PTGER3: variants seen among roughly 807,000 people sequenced by gnomAD.
PTGER3 encodes the protein prostaglandin E receptor 3.
Under a neutral mutation model 34.7 loss-of-function variants are expected in PTGER3, and 22 were observed. The ratio of observed to expected loss-of-function variants is 0.63; its 90% CI spans 0.45 to 0.91. The LOEUF (loss-of-function observed/expected upper bound fraction) is 0.91. PTGER3 is among the 40% of genes least tolerant of loss of function. The probability of loss-of-function intolerance (pLI) is 0.00; values close to 1 mark genes in which losing one functional copy is unlikely to be tolerated. For missense variants in PTGER3, 468 were observed against 519.4 expected (o/e 0.90, Z 0.96); for synonymous variants, 241 against 230.1 (o/e 1.05, Z -0.43).
At chr1:70,943,762 G>A (rs1340595284) in intron 4 of PTGER3, among the ~76,000 whole-genome samples, 1 of 151,666 alleles carries the variant, frequency 6.6e-6, no homozygotes, top group Non-Finnish European at 1.5e-5. Flanking sequence ...GAGAATTGTT[G>A]GGTAATCATG....
intron 4 of PTGER3, among the ~76,000 whole-genome samples, chr1:70,896,836 G>T (rs1430233933): frequency 1.3e-5 from 2 of 152,078 alleles, no homozygotes; most frequent in Non-Finnish European, 2.9e-5. Flanking sequence ...CCTTGACATA[G>T]CAGAGTACAA....
At chr1:70,881,451 A>G (rs1220267824) in intron 4 of PTGER3, among the ~76,000 whole-genome samples, 1 of 152,186 alleles carries the variant, frequency 6.6e-6, no homozygotes, top group Non-Finnish European at 1.5e-5. Flanking sequence ...TTGCTGGGGA[A>G]CTAGTGTGGT....
In PTGER3 at chr1:71,047,327, C is replaced by A; in HGVS notation, c.251G>T (p.Arg84Leu). The A allele has an allele frequency of 6.2e-7, 1 of 1,606,384 alleles. No homozygotes were observed. The highest frequency in any genetic ancestry group is 8.5e-7 in the Non-Finnish European group (1 of 1,177,190). ...SRSYRRRESK[R>L]KKSFLLCIGW... Reference sequence around the variant, plus strand: ...GATGCACAGCAGGAAGGACTTCTTGCGCTTGCTCTCCCGGCGCCGGTAGCT... The same window carrying A: ...GATGCACAGCAGGAAGGACTTCTTGAGCTTGCTCTCCCGGCGCCGGTAGCT... Residue 84 changes from arginine to leucine, a missense_variant, in exon 1 of 4, where the codon CGC (arginine) becomes CTC (leucine). By Grantham distance (102) the Arg-to-Leu change is moderately radical. Around this residue, in one of 5 missense-constraint regions of PTGER3, gnomAD observed 151 missense variants for 133.5 expected, o/e 1.13. Coordinates refer to ENST00000306666, the MANE Select transcript of PTGER3 (RefSeq NM_198719.2).
intron 4 of PTGER3, among the ~76,000 whole-genome samples, chr1:70,919,505 T>C (rs1360591933): frequency 3.9e-5 from 6 of 152,142 alleles, no homozygotes; most frequent in African/African-American, 1.4e-4. Flanking sequence ...GAAAACTCCA[T>C]TTAGATTTTA....
At chr1:70,904,713 T>C (rs867033507) in intron 4 of PTGER3, among the ~76,000 whole-genome samples, 1 of 152,212 alleles carries the variant, frequency 6.6e-6, no homozygotes, top group East Asian at 1.9e-4. Context: ...ACTTGGGTGC[T>C]GTTAAAGGCA....
intron 4 of PTGER3, among the ~76,000 whole-genome samples, chr1:70,940,468 T>C (rs188984882): frequency 1.8e-4 from 28 of 152,306 alleles, no homozygotes; most frequent in African/African-American, 6.3e-4. Context: ...ATTAGTCTGT[T>C]TTTATGCTGC....
intron 4 of PTGER3, among the ~76,000 whole-genome samples, chr1:70,938,889 G>A (rs923911093): frequency 1.1e-4 from 16 of 151,992 alleles, no homozygotes; most frequent in South Asian, 2.1e-4. Context: ...ATTCCACGCC[G>A]GCCCCTCCAA....
chr1:70,888,604 C>G (rs1646547604), intron 4 of PTGER3, among the ~76,000 whole-genome samples: 1 of 152,078 alleles, frequency 6.6e-6, no homozygotes. Flanking sequence ...GATCTCTAGA[C>G]TTATTTATCC....
At chr1:70,905,616 CTTTG>C (rs1266120351) in intron 4 of PTGER3, among the ~76,000 whole-genome samples, 3 of 152,024 alleles carry the variant, frequency 2.0e-5, no homozygotes, top group African/African-American at 7.2e-5. Flanking sequence ...CCTGTAACCT[CTTTG>C]TTTGGCCAAT....
intron 4 of PTGER3, among the ~76,000 whole-genome samples, chr1:70,853,806 C>T (rs1645736871): frequency 6.6e-6 from 1 of 152,100 alleles, no homozygotes; most frequent in Admixed American, 6.6e-5. Context: ...ATAGAGGTCC[C>T]AGATAAACCC....
intron 2 of PTGER3, among the ~76,000 whole-genome samples, chr1:70,980,147 A>G (rs1227193523): frequency 6.6e-6 from 1 of 152,152 alleles, no homozygotes; most frequent in Admixed American, 6.5e-5. Flanking sequence ...GCAAGAGTGG[A>G]AGGCAGAGAG....
At chr1:70,953,572 TTTG>T (rs1207482988) in intron 3 of PTGER3, among the ~76,000 whole-genome samples, 1 of 152,068 alleles carries the variant, frequency 6.6e-6, no homozygotes, top group Non-Finnish European at 1.5e-5. Flanking sequence ...GACTTGGGGA[TTTG>T]TTGTTGTTGT....
Position 70,974,371 on chromosome 1 carries a change from G to T in PTGER3, c.1095C>A (p.Asn365Lys). 1 of 1,064,080 alleles carries T rather than the reference G, an allele frequency of 9.4e-7. No homozygotes were observed. 65.9% of individuals were successfully genotyped at this position (1,064,080 alleles called of 1,614,324 possible). The change falls in exon 3 of 4, where the codon AAC (asparagine) becomes AAA (lysine). Residue 365 changes from asparagine to lysine, a missense_variant. By Grantham distance (94) the Asn-to-Lys change is moderately conservative. Around this residue, in one of 5 missense-constraint regions of PTGER3, gnomAD observed 57 missense variants for 43.8 expected, o/e 1.30. Coordinates refer to ENST00000306666, the MANE Select transcript of PTGER3 (RefSeq NM_198719.2). Reference sequence around the variant, plus strand: ...AGGAGGTGGAGCTGGATGCATAGTTGTTTGTGTGGTACCTGATCTGTGAAC... The same window carrying T: ...AGGAGGTGGAGCTGGATGCATAGTTTTTTGTGTGGTACCTGATCTGTGAAC... Reference protein sequence around the residue: ...RKFCQIRYHTNNYASSSTSLP... With the variant: ...RKFCQIRYHTKNYASSSTSLP...
chr1:70,923,841 G>T (rs1304551370), intron 4 of PTGER3, among the ~76,000 whole-genome samples: 1 of 152,192 alleles, frequency 6.6e-6, no homozygotes, highest in Non-Finnish European at 1.5e-5. Context: ...TGGCAACATA[G>T]TTATTTGCAT....
intron 2 of PTGER3, among the ~76,000 whole-genome samples, chr1:70,961,315 T>G (rs975937405): frequency 6.6e-6 from 1 of 152,232 alleles, no homozygotes; most frequent in Admixed American, 6.5e-5. Context: ...TAGCATCTGT[T>G]GTTTTTCCAC....
intron 1 of PTGER3, among the ~76,000 whole-genome samples, chr1:71,044,768 A>C (rs1243940950): frequency 1.3e-5 from 2 of 152,210 alleles, no homozygotes; most frequent in Non-Finnish European, 2.9e-5. Context: ...CACAAACAAT[A>C]AATTATAAGT....
intron 1 of PTGER3, among the ~76,000 whole-genome samples, chr1:71,022,102 GT>G (rs1658473056): frequency 6.6e-6 from 1 of 151,262 alleles, no homozygotes; most frequent in Non-Finnish European, 1.5e-5. Context: ...TTCTCTGTAT[GT>G]TTTCCCCAAA....
exon 5 of PTGER3, chr1:70,852,786 A>G (rs879053055): frequency 6.2e-7 from 1 of 1,600,158 alleles, no homozygotes; most frequent in South Asian, 1.1e-5. Context: ...TTTCTTTTAC[A>G]AAAAGAGAGT....
intron 2 of PTGER3, chr1:71,006,591 T>G: frequency 1.0e-6 from 1 of 979,414 alleles, no homozygotes. Flanking sequence ...ACAATAATCT[T>G]GAGATAATAA....
Sources: allele counts gnomAD v4.1 joint callset (sites outside exome capture counted in the v4.1 genomes callset), GRCh38; gene constraint gnomAD v4.1.1; regional missense constraint gnomAD v4.1.1; transcripts MANE v1.5; gene names NCBI Gene and HGNC (gene_info 2026-07-23, HGNC 2026-07-21).